Variants in DYTN observed in about 807,000 individuals in gnomAD.
DYTN encodes dystrotelin.
A neutral mutation model predicts 69.6 loss-of-function variants in DYTN; 75 were observed. The observed-to-expected ratio is 1.08, with a 90% CI of 0.89 to 1.31. The LOEUF is 1.31. DYTN is among the 50% of genes most tolerant of loss of function. DYTN has a pLI of 0.00. For missense variants in DYTN, 726 were observed against 688.4 expected, an observed-to-expected ratio of 1.05 and a Z score of -0.61; for synonymous variants, 252 against 249.1, an observed-to-expected ratio of 1.01 and a Z score of -0.11.
In DYTN at chr2:206,718,257, T is replaced by G. The variant is rs747290575; in HGVS notation, c.19+4A>C. ...ATGCTCAGAAACTTGACAATAATAC[T>G]CACCTTGTTTATCTGGATCCATTTC... On this transcript the variant is annotated splice_donor_region_variant and intron_variant, in intron 1 of 11. Coordinates refer to ENST00000452335, the MANE Select transcript of DYTN (RefSeq NM_001093730.1). 1 of 1,597,216 alleles carries G rather than the reference T, an allele frequency of 6.3e-7. No individual in the cohort carries two copies. Among genetic ancestry groups the G allele is most frequent in the Non-Finnish European group, 8.5e-7 (1 of 1,171,896 alleles).
chr2:206,709,129 C>A lies in DYTN; in HGVS notation c.94+1395G>T, dbSNP rs62194555. On this transcript the variant is annotated intron_variant, in intron 2 of 11. Coordinates refer to ENST00000452335, the MANE Select transcript of DYTN (RefSeq NM_001093730.1). Reference sequence around the variant, plus strand: ...AAACTGTTTTTAAAACCAAAAATTTCTTCTTCAAAGGAACCTAATACAGAA... The same window carrying A: ...AAACTGTTTTTAAAACCAAAAATTTATTCTTCAAAGGAACCTAATACAGAA... Among the ~76,000 whole-genome samples the A allele has an allele frequency of 6.8e-4, 104 of 152,160 alleles. 1 individual carries two copies. Among genetic ancestry groups the A allele is most frequent in the South Asian group, 1.5e-3 (7 of 4,818 alleles).
intron 9 of DYTN, among the ~76,000 whole-genome samples, chr2:206,684,073 G>A (rs1699781104): frequency 6.6e-6 from 1 of 151,214 alleles, no homozygotes; most frequent in South Asian, 2.1e-4. Flanking sequence ...AGAAATCCTT[G>A]TCTCTTTTTC....
chr2:206,663,523 TATC>T, intron 10 of DYTN, 128 bp from the exon 11 acceptor site: 2 of 961,876 alleles, frequency 2.1e-6, no homozygotes, highest in South Asian at 5.0e-5. Flanking sequence ...GTAAATATAT[TATC>T]ATTACTATTA....
chr2:206,714,372 T>A (rs901747018), intron 1 of DYTN, among the ~76,000 whole-genome samples: 2 of 151,982 alleles, frequency 1.3e-5, no homozygotes, highest in African/African-American at 4.8e-5. Flanking sequence ...CCGGCTAATT[T>A]TTTGTATTTT....
chr2:206,665,820 G>C (rs1444750024), intron 10 of DYTN, 50 bp downstream of exon 10: 1 of 1,591,404 alleles, frequency 6.3e-7, no homozygotes, highest in Non-Finnish European at 8.6e-7. Flanking sequence ...AAGGACTCAA[G>C]GTTAGACTTC....
Position 206,715,801 on chromosome 2 carries a change from C to T in DYTN, c.19+2460G>A, listed in dbSNP as rs1700123283. 2.6e-5 allele frequency among the ~76,000 whole-genome samples: 4 copies of T among 152,054 alleles called. No individual in the cohort carries two copies. In the South Asian group the frequency reaches 8.3e-4, roughly 32 times the overall value. On this transcript the variant is annotated intron_variant, in intron 1 of 11. Transcript: ENST00000452335. ...GAACAAGTATCAGTTTAGAAAGTGG[C>T]TGTGGTGGCCGGGTGCGGTGGCTCA...
chr2:206,718,387 A>C lies in DYTN; in HGVS notation c.-108T>G, dbSNP rs1435666224. ...AGCAGAGGAATGAGGACAGGGGAACAAAAAGGCAACTAAACAAATCATTTT... is the reference window on the plus strand; with the variant it reads ...AGCAGAGGAATGAGGACAGGGGAACCAAAAGGCAACTAAACAAATCATTTT... On this transcript the variant is annotated 5_prime_UTR_variant, in exon 1 of 12. Coordinates refer to ENST00000452335, the MANE Select transcript of DYTN (RefSeq NM_001093730.1). 12 of 1,200,070 alleles carry C rather than the reference A, an allele frequency of 1.0e-5. No individual in the cohort carries two copies. Among genetic ancestry groups the C allele is most frequent in the Non-Finnish European group, 1.4e-5 (12 of 863,688 alleles). The allele number at this position is 1,200,070 out of a possible 1,614,324, so 74.3% of individuals were successfully genotyped here. A position where few individuals can be genotyped will look rare whatever the true frequency, so the allele number is the denominator to read the frequency against.
rs540546152 is a variant in DYTN, at chr2:206,673,406, C to T, written c.981-7377G>A. On this transcript the variant is annotated intron_variant, in intron 9 of 11. Transcript: ENST00000452335. ...TCCAGTAGCTGGGATTACAGGCACG[C>T]ACCACCACACCCAGCTAATTTTTGT... 5.4e-3 allele frequency among the ~76,000 whole-genome samples: 821 copies of T among 152,134 alleles called. 4 individuals carry two copies. Among genetic ancestry groups the T allele is most frequent in the African/African-American group, 0.019 (785 of 41,508 alleles).
intron 5 of DYTN, among the ~76,000 whole-genome samples, chr2:206,704,547 A>G (rs1574602604): frequency 1.3e-5 from 2 of 152,272 alleles, no homozygotes; most frequent in South Asian, 2.1e-4. Context: ...CTATTTTACA[A>G]CTCTAGAGAG....
chr2:206,675,651 T>C (rs957488237), intron 9 of DYTN, among the ~76,000 whole-genome samples: 2 of 152,080 alleles, frequency 1.3e-5, no homozygotes, highest in Non-Finnish European at 2.9e-5. Context: ...CATCAACATA[T>C]AGGTTTAATG....
rs1341736807 is a variant in DYTN at position 206,693,318 on chromosome 2, T to G, written c.837A>C (p.Ser279=). The change falls in exon 9 of 12, where the codon TCA becomes TCC. Residue 279 remains serine (S), a synonymous_variant. Coordinates refer to ENST00000452335, the MANE Select transcript of DYTN (RefSeq NM_001093730.1). ...HPVIEHCIQM[S]AMQNTKLLFR... is the part of the protein sequence containing the mutation. Reference sequence around the variant, plus strand: ...AGAGAAGTTTTGTATTCTGCATTGCTGACATCTGCTGAAAGGGCCAACATT... The same window carrying G: ...AGAGAAGTTTTGTATTCTGCATTGCGGACATCTGCTGAAAGGGCCAACATT... 6.2e-7 allele frequency: 1 copy of G among 1,611,652 alleles called. No individual in the cohort carries two copies. Among genetic ancestry groups the G allele is most frequent in the Admixed American group, 1.7e-5 (1 of 60,026 alleles).
intron 9 of DYTN, among the ~76,000 whole-genome samples, chr2:206,687,759 T>G (rs1439490766): frequency 6.6e-6 from 1 of 152,194 alleles, no homozygotes; most frequent in Non-Finnish European, 1.5e-5. Context: ...AATTGAAATA[T>G]CACCTTTATC....
chr2:206,656,875 G>A (rs1699456408), intron 11 of DYTN, among the ~76,000 whole-genome samples: 1 of 150,976 alleles, frequency 6.6e-6, no homozygotes, highest in South Asian at 2.1e-4. Context: ...TGATTCTCCT[G>A]CCTCAGCCTC....
chr2:206,665,621 CTATAAAGAAT>C (rs1242188428), intron 10 of DYTN, among the ~76,000 whole-genome samples: 1 of 152,078 alleles, frequency 6.6e-6, no homozygotes, highest in Non-Finnish European at 1.5e-5. Context: ...AAAACCGACG[CTATAAAGAAT>C]CACTTTGCCC....
chr2:206,691,268 T>C (rs540621732), intron 9 of DYTN, among the ~76,000 whole-genome samples: 1 of 151,988 alleles, frequency 6.6e-6, no homozygotes, highest in East Asian at 1.9e-4. Flanking sequence ...CAAAAATTAG[T>C]CAGTTGTGGT....
At chr2:206,672,416 G>A (rs1316859002) in intron 9 of DYTN, among the ~76,000 whole-genome samples, 1 of 152,170 alleles carries the variant, frequency 6.6e-6, no homozygotes, top group Non-Finnish European at 1.5e-5. Flanking sequence ...TTCCATCCTC[G>A]TTTGTTTGAA....
chr2:206,702,818 A>G (rs16838621), intron 5 of DYTN, among the ~76,000 whole-genome samples: 45,330 of 152,046 alleles, frequency 0.3, 6,905 homozygotes, highest in East Asian at 0.42. Context: ...TTGCCTATAA[A>G]GATGTGCATA....
intron 1 of DYTN, among the ~76,000 whole-genome samples, chr2:206,715,318 C>G (rs749581017): frequency 6.6e-6 from 1 of 152,118 alleles, no homozygotes; most frequent in Non-Finnish European, 1.5e-5. Flanking sequence ...CTTTGCCTTC[C>G]TCATTGAGAT....
chr2:206,694,765 C>T lies in DYTN; in HGVS notation c.831+1G>A. The T allele has an allele frequency of 6.3e-7, 1 of 1,597,130 alleles. No homozygotes were observed. ...GTTTGGTATGTGACATTAAATGTTA[C>T]CTGAATGCAGTGCTCAATGACAGGA... On this transcript the variant is annotated splice_donor_variant, in intron 8 of 11. Transcript: ENST00000452335. LOFTEE classifies it high-confidence loss of function.
Sources: allele counts gnomAD v4.1 joint callset (sites outside exome capture counted in the v4.1 genomes callset), GRCh38; gene constraint gnomAD v4.1.1; transcripts MANE v1.5; gene names NCBI Gene and HGNC (gene_info 2026-07-23, HGNC 2026-07-21).